Variants in GRID1 observed in about 807,000 individuals in gnomAD.
GRID1 encodes glutamate receptor ionotropic, delta-1.
A neutral mutation model predicts 98.0 loss-of-function variants in GRID1; 28 were observed. The observed-to-expected ratio is 0.29, with a 90% CI of 0.21 to 0.39. The LOEUF (loss-of-function observed/expected upper bound fraction) is 0.39, where lower values mean the gene tolerates loss of function less well. Ranked by LOEUF, GRID1 falls within the 10% of genes least tolerant of loss-of-function variation. GRID1 has a pLI of 1.00. For synonymous variants in GRID1, 553 were observed against 538.5 expected, an observed-to-expected ratio of 1.03 and a Z score of -0.37; for missense variants, 1,111 against 1,340.5, an observed-to-expected ratio of 0.83 and a Z score of 2.67.
At chr10:86,186,055 T>C (rs2132004824) in intron 3 of GRID1, among the ~76,000 whole-genome samples, 1 of 152,374 alleles carries the variant, frequency 6.6e-6, no homozygotes, top group South Asian at 2.1e-4. Context: ...TGGAGTTTTC[T>C]TTCTCTGAGG....
intron 4 of GRID1, among the ~76,000 whole-genome samples, chr10:86,137,924 G>A (rs1844952428): frequency 6.6e-6 from 1 of 152,138 alleles, no homozygotes; most frequent in South Asian, 2.1e-4. Flanking sequence ...TACATCAAAT[G>A]GAATTAGTAT....
intron 13 of GRID1, among the ~76,000 whole-genome samples, chr10:85,631,857 A>G (rs1842978868): frequency 6.6e-6 from 1 of 152,216 alleles, no homozygotes; most frequent in South Asian, 2.1e-4. Flanking sequence ...CATCCCAGGA[A>G]ATTGAAACAA....
intron 8 of GRID1, among the ~76,000 whole-genome samples, chr10:85,807,152 C>T (rs527355816): frequency 6.6e-6 from 1 of 152,040 alleles, no homozygotes; most frequent in Non-Finnish European, 1.5e-5. Context: ...GAGTTTGAGA[C>T]CAGCCTGGCC....
intron 2 of GRID1, among the ~76,000 whole-genome samples, chr10:86,244,560 C>T (rs1846691226): frequency 6.6e-6 from 1 of 152,254 alleles, no homozygotes; most frequent in Non-Finnish European, 1.5e-5. Context: ...TGCAAGGAGG[C>T]TGCCACCCCC....
intron 6 of GRID1, among the ~76,000 whole-genome samples, chr10:85,856,519 CAG>C (rs2131781969): frequency 6.6e-6 from 1 of 152,238 alleles, no homozygotes; most frequent in African/African-American, 2.4e-5. Flanking sequence ...GAAGGATAAG[CAG>C]AAAGCTCAGC....
At chr10:86,324,190 T>G (rs1209672428) in intron 2 of GRID1, among the ~76,000 whole-genome samples, 2 of 151,622 alleles carry the variant, frequency 1.3e-5, no homozygotes, top group Non-Finnish European at 1.5e-5. Context: ...AAAAAAAAAA[T>G]TGGTTTTTAT....
At chr10:85,968,659 T>A (rs1325569264) in intron 4 of GRID1, among the ~76,000 whole-genome samples, 1 of 152,116 alleles carries the variant, frequency 6.6e-6, no homozygotes, top group East Asian at 1.9e-4. Context: ...AACATGTTAA[T>A]TGTAATTCCC....
intron 15 of GRID1, among the ~76,000 whole-genome samples, chr10:85,610,643 T>C (rs1842722046): frequency 6.6e-6 from 1 of 152,164 alleles, no homozygotes; most frequent in Admixed American, 6.5e-5. Flanking sequence ...TACCTGCTGA[T>C]CACTGCAGTA....
chr10:86,303,680 T>A (rs982401136), intron 2 of GRID1, among the ~76,000 whole-genome samples: 5 of 152,212 alleles, frequency 3.3e-5, no homozygotes, highest in African/African-American at 1.2e-4. Flanking sequence ...TTATTAAGGG[T>A]TGTGGACAGG....
At chr10:86,107,109 C>A (rs1228761737) in intron 4 of GRID1, among the ~76,000 whole-genome samples, 2 of 152,316 alleles carry the variant, frequency 1.3e-5, no homozygotes, top group Non-Finnish European at 2.9e-5. Flanking sequence ...GCAGGCACAG[C>A]AGGAAAGCCC....
At chr10:85,635,468 G>T (rs1380264882) in intron 13 of GRID1, among the ~76,000 whole-genome samples, 2 of 152,070 alleles carry the variant, frequency 1.3e-5, no homozygotes, top group Admixed American at 6.6e-5. Context: ...CAATTTTGCT[G>T]CTCACTCATG....
At chr10:86,179,266 C>T (rs1251805623) in intron 3 of GRID1, among the ~76,000 whole-genome samples, 1 of 152,100 alleles carries the variant, frequency 6.6e-6, no homozygotes, top group Non-Finnish European at 1.5e-5. Context: ...TCACAGCAGC[C>T]CCCACCCATG....
At chr10:85,961,270 C>T (rs1319688664) in intron 4 of GRID1, among the ~76,000 whole-genome samples, 4 of 152,154 alleles carry the variant, frequency 2.6e-5, no homozygotes, top group African/African-American at 7.2e-5. Flanking sequence ...CTGAGCCTGC[C>T]CCTGCCTCCC....
intron 5 of GRID1, among the ~76,000 whole-genome samples, chr10:85,883,226 A>G (rs1841060853): frequency 6.6e-6 from 1 of 152,076 alleles, no homozygotes; most frequent in Non-Finnish European, 1.5e-5. Flanking sequence ...TAAGATTTTT[A>G]ACTTCAACTG....
At chr10:85,644,149 C>CT (rs1843158237) in intron 13 of GRID1, 1 of 152,232 alleles carries the variant, frequency 6.6e-6, no homozygotes, top group South Asian at 2.1e-4. Context: ...CCAGCACTGC[C>CT]TTGCTTGGTC....
intron 5 of GRID1, among the ~76,000 whole-genome samples, chr10:85,910,256 T>C (rs1168065868): frequency 6.6e-6 from 1 of 152,258 alleles, no homozygotes; most frequent in Non-Finnish European, 1.5e-5. Flanking sequence ...AATCTTTTCC[T>C]TCCCTCTCTT....
chr10:85,947,546 G>A (rs1286167716), intron 4 of GRID1, among the ~76,000 whole-genome samples: 1 of 152,188 alleles, frequency 6.6e-6, no homozygotes, highest in African/African-American at 2.4e-5. Context: ...GGGCACTGTG[G>A]TCACCACAGA....
chr10:86,162,728 C>T (rs1044575699), intron 3 of GRID1, among the ~76,000 whole-genome samples: 2 of 152,126 alleles, frequency 1.3e-5, no homozygotes, highest in Non-Finnish European at 2.9e-5. Context: ...TGTCCATGAC[C>T]CACTGCTTGG....
At chr10:86,030,457 G>A (rs1456698118) in intron 4 of GRID1, among the ~76,000 whole-genome samples, 1 of 152,172 alleles carries the variant, frequency 6.6e-6, no homozygotes, top group African/African-American at 2.4e-5. Flanking sequence ...TCTGGTGGAG[G>A]CAAAACAGTG....
Sources: allele counts gnomAD v4.1 joint callset (sites outside exome capture counted in the v4.1 genomes callset), GRCh38; gene constraint gnomAD v4.1.1; transcripts MANE v1.5; gene names NCBI Gene and HGNC (gene_info 2026-07-23, HGNC 2026-07-21).